The following MTHFD1 variants were observed in gnomAD, a reference collection of about 807,000 sequenced individuals.
MTHFD1 encodes methylenetetrahydrofolate dehydrogenase, cyclohydrolase and formyltetrahydrofolate synthetase 1, also known as C-1-tetrahydrofolate synthase, cytoplasmic.
In MTHFD1, 44 loss-of-function variants were observed where a neutral mutation model predicts 110.3. The observed-to-expected ratio is 0.40, with a 90% CI of 0.31 to 0.51. The LOEUF is 0.51. Ranked by LOEUF, MTHFD1 falls within the 20% of genes least tolerant of loss-of-function variation. MTHFD1 has a pLI of 0.60. For synonymous variants in MTHFD1, 402 were observed against 428.8 expected (o/e 0.94, Z 0.77); for missense variants, 909 against 1,173.1 (o/e 0.77, Z 3.29).
At chr14:64,448,167 G>A in intron 22 of MTHFD1, 50 bp from the exon 23 acceptor site, 1 of 1,375,558 alleles carries the variant, frequency 7.3e-7, no homozygotes, top group Non-Finnish European at 1.0e-6. Context: ...AGAACCTGCA[G>A]TGGTTTTCAA....
chr14:64,441,941 C>T (rs2078252745), intron 19 of MTHFD1, 113 bp from the exon 20 acceptor site: 2 of 752,124 alleles, frequency 2.7e-6, no homozygotes, highest in South Asian at 1.5e-5. Flanking sequence ...TTATATTTTC[C>T]CTCTGGGAAG....
intron 8 of MTHFD1, among the ~76,000 whole-genome samples, chr14:64,421,615 A>AT (rs1224030016): frequency 2.9e-5 from 4 of 140,032 alleles, no homozygotes; most frequent in Non-Finnish European, 6.2e-5. Context: ...TTATTTATTT[A>AT]TTTTTTTAAT....
intron 13 of MTHFD1, among the ~76,000 whole-genome samples, chr14:64,430,993 A>G (rs1034481777): frequency 1.3e-5 from 2 of 152,016 alleles, no homozygotes; most frequent in South Asian, 2.1e-4. Context: ...CATTTTGGAA[A>G]AACTGCAAGT....
At chr14:64,419,775 C>T (rs1406308825) in intron 7 of MTHFD1, 39 bp from the exon 8 acceptor site, 1 of 1,363,120 alleles carries the variant, frequency 7.3e-7, no homozygotes, top group Non-Finnish European at 1.1e-6. Context: ...GTGTGTATTT[C>T]ATTATTTCAT....
At position 64,439,191 on chromosome 14, in the gene MTHFD1, C is replaced by T. The variant is rs1279731558; in HGVS notation, c.1674+19C>T. 6.3e-7 allele frequency: 1 copy of T among 1,599,934 alleles called. No homozygotes were observed. The highest frequency in any genetic ancestry group is 8.6e-7 in the Non-Finnish European group (1 of 1,167,366). On this transcript the variant is annotated intron_variant, in intron 17 of 27. Transcript: ENST00000652337. Reference sequence around the variant, plus strand: ...ACGGACGGTAACAATTTGTCCCTTTCCAAGGAAATTAGTTCAGAGGCACTA... The same window carrying T: ...ACGGACGGTAACAATTTGTCCCTTTTCAAGGAAATTAGTTCAGAGGCACTA...
chr14:64,414,435 G>A (rs1161888475), intron 4 of MTHFD1, among the ~76,000 whole-genome samples: 1 of 151,942 alleles, frequency 6.6e-6, no homozygotes. Flanking sequence ...GAGATTACAG[G>A]CATGCGCCAC....
At chr14:64,408,767 A>G (rs2077959048) in intron 2 of MTHFD1, among the ~76,000 whole-genome samples, 1 of 152,124 alleles carries the variant, frequency 6.6e-6, no homozygotes, top group South Asian at 2.1e-4. Flanking sequence ...CCTGGGCAAT[A>G]GAGAAACTCC....
rs909457317 is a variant in MTHFD1 at position 64,439,081 on chromosome 14, G to C, written c.1598-15G>C. 27 of 1,605,352 alleles carry C rather than the reference G, an allele frequency of 1.7e-5. No individual in the cohort carries two copies. The highest frequency in any genetic ancestry group is 2.2e-5 in the Non-Finnish European group (26 of 1,172,160). The stretch of plus-strand genomic sequence containing the variant: ...TTTACTCAAAATCGTTCTATATCTT[G>C]CCTGTCTGCTGTAGTGTTGGATACC... On this transcript the variant is annotated splice_polypyrimidine_tract_variant and intron_variant, in intron 16 of 27. Transcript: ENST00000652337.
rs1596539381 is a variant in MTHFD1, at chr14:64,415,617, T to C, written c.378-22T>C. The C allele has an allele frequency of 3.7e-6, 6 of 1,613,122 alleles. No individual in the cohort carries two copies. The Admixed American group carries it at 1.0e-4, about 27-fold the overall frequency. Reference sequence around the variant, plus strand: ...ACATCTAATTGCCTTTATTTCCTTCTTATTTCCATCACTTTTTTAAGATTG... The same window carrying C: ...ACATCTAATTGCCTTTATTTCCTTCCTATTTCCATCACTTTTTTAAGATTG... On this transcript the variant is annotated intron_variant, in intron 5 of 27. Transcript: ENST00000652337.
chr14:64,433,715 T>A (rs901597737), intron 15 of MTHFD1, among the ~76,000 whole-genome samples: 2 of 97,926 alleles, frequency 2.0e-5, no homozygotes, highest in Non-Finnish European at 4.3e-5. Flanking sequence ...GAGCTCAGCA[T>A]TTTTTTTTTT....
rs557124376 is a variant in MTHFD1 at position 64,442,051 on chromosome 14, C to T, written c.1885-3C>T. 1.2e-6 allele frequency: 2 copies of T among 1,610,352 alleles called. No individual in the cohort carries two copies. The highest frequency in any genetic ancestry group is 4.5e-5 in the East Asian group (2 of 44,872). On this transcript the variant is annotated splice_polypyrimidine_tract_variant and splice_region_variant and intron_variant, in intron 19 of 27. Coordinates refer to ENST00000652337, the MANE Select transcript of MTHFD1 (RefSeq NM_005956.4). ...TCAGCTCACGGTGTCCTGGTTTCCACAGGGCACTCCAGTGTTTGTCCATGC... is the reference window on the plus strand; with the variant it reads ...TCAGCTCACGGTGTCCTGGTTTCCATAGGGCACTCCAGTGTTTGTCCATGC...
intron 22 of MTHFD1, among the ~76,000 whole-genome samples, chr14:64,447,656 G>C (rs957676469): frequency 1.3e-5 from 2 of 151,800 alleles, no homozygotes; most frequent in African/African-American, 4.8e-5. Flanking sequence ...TCTTGCCCTC[G>C]TTCACGGTCG....
At chr14:64,411,408 TAGG>T (rs1409205623) in intron 3 of MTHFD1, among the ~76,000 whole-genome samples, 1 of 152,236 alleles carries the variant, frequency 6.6e-6, no homozygotes, top group African/African-American at 2.4e-5. Flanking sequence ...TCGATCATTT[TAGG>T]AGATTTATTT....
chr14:64,410,886 C>T (rs1483542678), intron 2 of MTHFD1, among the ~76,000 whole-genome samples: 3 of 152,074 alleles, frequency 2.0e-5, no homozygotes, highest in Admixed American at 1.3e-4. Context: ...ACCAGGTGGG[C>T]CTTGTTTAGG....
chr14:64,408,193 G>A (rs2077951775), intron 2 of MTHFD1, among the ~76,000 whole-genome samples: 1 of 150,750 alleles, frequency 6.6e-6, no homozygotes, highest in South Asian at 2.1e-4. Flanking sequence ...GCAGACTCCT[G>A]GTATAAAAAA....
chr14:64,392,432 G>C (rs959786104), intron 1 of MTHFD1, among the ~76,000 whole-genome samples: 1 of 152,208 alleles, frequency 6.6e-6, no homozygotes, highest in Non-Finnish European at 1.5e-5. Context: ...TATATGATTT[G>C]TTTGGTTTTT....
chr14:64,407,734 G>A (rs2077946170), intron 2 of MTHFD1, among the ~76,000 whole-genome samples: 1 of 151,906 alleles, frequency 6.6e-6, no homozygotes, highest in Admixed American at 6.6e-5. Context: ...TTTTTGTAGA[G>A]ATGGGGTTTC....
chr14:64,411,544 T>TG (rs1417397946), intron 3 of MTHFD1, among the ~76,000 whole-genome samples: 2 of 151,946 alleles, frequency 1.3e-5, no homozygotes, highest in African/African-American at 2.4e-5. Flanking sequence ...ATGTAAGAGG[T>TG]GGGTAGGGAA....
At chr14:64,431,354 C>T (rs907465557) in intron 13 of MTHFD1, among the ~76,000 whole-genome samples, 178 bp from the exon 14 acceptor site, 2 of 152,120 alleles carry the variant, frequency 1.3e-5, no homozygotes, top group East Asian at 1.9e-4. Flanking sequence ...TTGTGAGCTA[C>T]CACACCCAGC....
Sources: gnomAD v4.1 joint callset for allele counts (sites outside exome capture counted in the v4.1 genomes callset) on GRCh38, gnomAD v4.1.1 for gene constraint, MANE v1.5 for transcripts, NCBI Gene and HGNC (gene_info 2026-07-23, HGNC 2026-07-21) for gene names.